The following SMC3 variants were observed in gnomAD, a reference collection of about 807,000 sequenced individuals.
SMC3 encodes structural maintenance of chromosomes 3.
SMC3 carries 20 observed loss-of-function variants against 171.8 expected under a neutral mutation model. The ratio of observed to expected loss-of-function variants is 0.12; its 90% CI spans 0.08 to 0.17. The LOEUF is 0.17. Among genes scored for constraint, SMC3 ranks in the 10% least tolerant of loss-of-function variants. The pLI is 1.00. For synonymous variants in SMC3, 464 were observed against 451.1 expected (o/e 1.03, Z -0.36); for missense variants, 543 against 1,420.4 (o/e 0.38, Z 9.93).
intron 9 of SMC3, 98 bp downstream of exon 9, chr10:110,582,196 A>G: frequency 9.0e-7 from 1 of 1,117,062 alleles, no homozygotes; most frequent in South Asian, 1.3e-5. Flanking sequence ...GATTTTAAAT[A>G]GAAACTTAAA....
intron 17 of SMC3, among the ~76,000 whole-genome samples, chr10:110,591,832 G>C (rs539638884): frequency 9.2e-5 from 14 of 152,182 alleles, no homozygotes; most frequent in Admixed American, 1.3e-4. Flanking sequence ...CAAAGGGTCT[G>C]ACTTTTTCTG....
intron 3 of SMC3, among the ~76,000 whole-genome samples, chr10:110,574,696 A>G (rs1043600506): frequency 6.6e-6 from 1 of 152,100 alleles, no homozygotes. Flanking sequence ...CCACCTCCAC[A>G]CACACACAGT....
At chr10:110,572,232 T>G in intron 2 of SMC3, among the ~76,000 whole-genome samples, 1 of 152,350 alleles carries the variant, frequency 6.6e-6, no homozygotes, top group South Asian at 2.1e-4. Context: ...CTGACTTTAA[T>G]GTGTACTTTC....
At chr10:110,569,178 A>G (rs1860828938) in intron 2 of SMC3, among the ~76,000 whole-genome samples, 165 bp downstream of exon 2, 1 of 152,176 alleles carries the variant, frequency 6.6e-6, no homozygotes, top group African/African-American at 2.4e-5. Context: ...TGAATTGCTT[A>G]TTTTTATAAA....
intron 1 of SMC3, 87 bp downstream of exon 1, chr10:110,567,918 C>T (rs1860798790): frequency 7.4e-7 from 1 of 1,349,896 alleles, no homozygotes; most frequent in Non-Finnish European, 1.0e-6. Context: ...CCCGCAGCCT[C>T]TCCCCTGTCT....
At chr10:110,581,114 GTA>G in intron 8 of SMC3, 93 bp downstream of exon 8, 1 of 762,474 alleles carries the variant, frequency 1.3e-6, no homozygotes, top group Non-Finnish European at 2.4e-6. Flanking sequence ...TAGGTGTTTA[GTA>G]TATGACAGCA....
chr10:110,582,164 G>C (rs189090730), intron 9 of SMC3, 66 bp downstream of exon 9: 1 of 1,326,938 alleles, frequency 7.5e-7, no homozygotes, highest in African/African-American at 1.4e-5. Context: ...GTTAAACTCA[G>C]GCCATAATTA....
intron 18 of SMC3, among the ~76,000 whole-genome samples, chr10:110,594,745 TGTTGTG>T (rs1225009367): frequency 2.0e-5 from 3 of 152,100 alleles, no homozygotes; most frequent in Non-Finnish European, 4.4e-5. Context: ...ATGTACGTTT[TGTTGTG>T]GTTGTTTTTG....
rs377048279 is a variant in SMC3 at position 110,604,228 on chromosome 10, C to T, written c.3583-3C>T. The T allele has an allele frequency of 1.9e-6, 3 of 1,603,532 alleles. No homozygotes were observed. The highest frequency in any genetic ancestry group is 2.2e-5 in the South Asian group (2 of 90,848). On this transcript the variant is annotated splice_region_variant and splice_polypyrimidine_tract_variant and intron_variant, in intron 28 of 28. Transcript: ENST00000361804. ...ATTTTTGTTTTTAACATTTATTCTT[C>T]AGGTTAGTCATATTGATGTGATCAC...
intron 3 of SMC3, among the ~76,000 whole-genome samples, chr10:110,574,312 T>C (rs1860915610): frequency 6.6e-6 from 1 of 152,220 alleles, no homozygotes; most frequent in African/African-American, 2.4e-5. Context: ...CTCTCTAAAT[T>C]GCATTTAAGT....
rs1861464490 is a variant in SMC3 at position 110,606,022 on chromosome 10, A to G, written c.*1720A>G. Among the ~76,000 whole-genome samples the G allele has an allele frequency of 6.6e-6, 1 of 150,790 alleles. No individual in the cohort carries two copies. Among genetic ancestry groups the G allele is most frequent in the Non-Finnish European group, 1.5e-5 (1 of 68,020 alleles). ...ATGAAATGCCAGTAAATTTATAACAATAAAGCATCTAAATAATGAAACAAA... is the reference window on the plus strand; with the variant it reads ...ATGAAATGCCAGTAAATTTATAACAGTAAAGCATCTAAATAATGAAACAAA... On this transcript the variant is annotated 3_prime_UTR_variant, in exon 29 of 29. Coordinates refer to ENST00000361804, the MANE Select transcript of SMC3 (RefSeq NM_005445.4).
At chr10:110,596,826 G>A (rs1419670248) in intron 19 of SMC3, among the ~76,000 whole-genome samples, 2 of 150,134 alleles carry the variant, frequency 1.3e-5, no homozygotes, top group African/African-American at 4.9e-5. Flanking sequence ...AACTGAGAAG[G>A]ATCAGTTTGT....
At chr10:110,590,843 TTGA>T in intron 16 of SMC3, 145 bp from the exon 17 acceptor site, 1 of 761,690 alleles carries the variant, frequency 1.3e-6, no homozygotes, top group South Asian at 1.8e-5. Flanking sequence ...AAAAAACTGT[TTGA>T]TGCTTAAGTG....
chr10:110,581,789 A>G (rs1399311012), intron 8 of SMC3, 134 bp from the exon 9 acceptor site: 6 of 905,562 alleles, frequency 6.6e-6, no homozygotes, highest in South Asian at 6.1e-5. Flanking sequence ...AGTATTTTAA[A>G]TTGGGTTACC....
At chr10:110,569,922 A>G (rs75249499) in intron 2 of SMC3, among the ~76,000 whole-genome samples, 3,244 of 152,338 alleles carry the variant, frequency 0.021, 113 homozygotes, top group African/African-American at 0.072. Flanking sequence ...GCTTCTGGAC[A>G]CCAGAAACAC....
chr10:110,602,219 A>T (rs747429447), intron 25 of SMC3, 41 bp downstream of exon 25: 2 of 1,519,468 alleles, frequency 1.3e-6, no homozygotes, highest in Non-Finnish European at 1.8e-6. Context: ...CACAGAGGAC[A>T]AAAGCTTCCA....
At chr10:110,572,503 A>G (rs1263851602) in intron 2 of SMC3, among the ~76,000 whole-genome samples, 5 of 152,186 alleles carry the variant, frequency 3.3e-5, no homozygotes, top group East Asian at 1.9e-4. Flanking sequence ...GAATTAAGAC[A>G]TAAGTGATGT....
At chr10:110,596,305 A>C in intron 18 of SMC3, 93 bp from the exon 19 acceptor site, 1 of 1,198,010 alleles carries the variant, frequency 8.3e-7, no homozygotes, top group Non-Finnish European at 1.2e-6. Context: ...CTCATTATCT[A>C]CTTAAAGCCT....
At chr10:110,583,771 G>A (rs1295262423) in intron 11 of SMC3, 70 bp from the exon 12 acceptor site, 1 of 1,545,380 alleles carries the variant, frequency 6.5e-7, no homozygotes, top group African/African-American at 1.4e-5. Flanking sequence ...TTTTTCCTGA[G>A]AAAACATTTA....
Sources: allele counts gnomAD v4.1 joint callset (sites outside exome capture counted in the v4.1 genomes callset), GRCh38; gene constraint gnomAD v4.1.1; transcripts MANE v1.5; gene names NCBI Gene and HGNC (gene_info 2026-07-23, HGNC 2026-07-21).